Variants in TMEM235 observed in about 807,000 individuals in gnomAD.
TMEM235 encodes transmembrane protein 235, also known as claudin-27.
TMEM235 carries 23 observed loss-of-function variants against 22.9 expected under a neutral mutation model. That is an observed-to-expected ratio of 1.00 (90% CI 0.72 to 1.42). The LOEUF is 1.42. Ranked by LOEUF, TMEM235 falls within the 40% of genes most tolerant of loss-of-function variation. The pLI is 0.00. For missense variants in TMEM235, 308 were observed against 299.5 expected, an observed-to-expected ratio of 1.03 and a Z score of -0.21; for synonymous variants, 137 against 140.5, an observed-to-expected ratio of 0.98 and a Z score of 0.17.
exon 6 of TMEM235, chr17:78,240,136 G>C (rs982294706): frequency 8.3e-7 from 1 of 1,209,140 alleles, no homozygotes; most frequent in Non-Finnish European, 1.1e-6. Flanking sequence ...GCAGCAACCC[G>C]GGGGAGGTAT....
At chr17:78,231,646 C>T (rs1275698043) in exon 2 of TMEM235, 7 of 1,299,976 alleles carry the variant, frequency 5.4e-6, no homozygotes, top group East Asian at 1.1e-4. Flanking sequence ...CTGCACAGCC[C>T]GGCCAGGCAG....
chr17:78,236,640 G>A (rs1490934185), intron 4 of TMEM235, among the ~76,000 whole-genome samples: 3 of 152,226 alleles, frequency 2.0e-5, no homozygotes, highest in African/African-American at 7.2e-5. Flanking sequence ...AGGGGCTCCT[G>A]ACAGTCTGTC....
exon 2 of TMEM235, chr17:78,231,437 C>T (rs556104112): frequency 1.5e-6 from 2 of 1,298,232 alleles, no homozygotes; most frequent in South Asian, 2.5e-5. Flanking sequence ...CGCAGCCCCC[C>T]GCCCGGCTGT....
intron 2 of TMEM235, among the ~76,000 whole-genome samples, chr17:78,233,014 T>G (rs1404162130): frequency 2.6e-5 from 4 of 152,112 alleles, no homozygotes; most frequent in Non-Finnish European, 5.9e-5. Context: ...TATGAGTGAG[T>G]GCATGTGTGG....
rs1433224832 is a variant in TMEM235 at position 78,237,766 on chromosome 17, A to G, written c.410-1258A>G. On this transcript the variant is annotated intron_variant, in intron 4 of 5. Transcript: ENST00000421688. This position sits in a 1 kb window ranked among gnomAD's most constrained non-coding sequence, Gnocchi z 4.7. ...CAATTTGGCTTCACATTCTTCCCCA[A>G]AATAAATCCATAATTTCTGTTGCTA... 1.3e-5 allele frequency among the ~76,000 whole-genome samples: 2 copies of G among 152,070 alleles called. No homozygotes were observed. Among genetic ancestry groups the G allele is most frequent in the Non-Finnish European group, 2.9e-5 (2 of 68,002 alleles).
chr17:78,232,464 G>A (rs376281461), intron 2 of TMEM235, among the ~76,000 whole-genome samples: 3 of 152,326 alleles, frequency 2.0e-5, no homozygotes, highest in Admixed American at 6.5e-5. Flanking sequence ...AGGGGGCTGT[G>A]GGGCGACAGT....
At chr17:78,236,613 G>A (rs1240284313) in intron 4 of TMEM235, among the ~76,000 whole-genome samples, 1 of 152,250 alleles carries the variant, frequency 6.6e-6, no homozygotes, top group African/African-American at 2.4e-5. Context: ...AGCACTGGCT[G>A]TTGCGGAAGG....
Position 78,235,599 on chromosome 17 carries a change from G to GTTTT in TMEM235, c.409+885_409+888dup, listed in dbSNP as rs71160277. Reference sequence around the variant, plus strand: ...ACCGTTCCCAGCTGGGTGCTACATAGTTTTTTTTTTTTTTTTTTTGAGACG... The same window carrying GTTTT: ...ACCGTTCCCAGCTGGGTGCTACATAGTTTTTTTTTTTTTTTTTTTTTTTGAGACG... On this transcript the variant is annotated intron_variant, in intron 4 of 5. Transcript: ENST00000421688. Among the ~76,000 whole-genome samples the GTTTT allele has an allele frequency of 1.6e-3, 191 of 118,802 alleles. 7 individuals carry two copies. The highest frequency in any genetic ancestry group is 3.8e-3 in the East Asian group (15 of 3,944). The allele number at this position is 118,802 out of a possible 152,430, so 77.9% of individuals were successfully genotyped here.
At chr17:78,234,894 A>G (rs965426441) in intron 4 of TMEM235, among the ~76,000 whole-genome samples, 164 bp downstream of exon 3, 2 of 152,230 alleles carry the variant, frequency 1.3e-5, no homozygotes, top group African/African-American at 4.8e-5. Context: ...TGGTTCCAGA[A>G]GGTACCCATG....
rs999033355 is a variant in TMEM235, at chr17:78,234,413, G to C, written c.272-180G>C. 7.5e-6 allele frequency: 7 copies of C among 930,568 alleles called. No individual in the cohort carries two copies. The Admixed American group carries it at 1.0e-4, about 13-fold the overall frequency. 57.6% of individuals were successfully genotyped at this position (930,568 alleles called of 1,614,324 possible). On this transcript the variant is annotated intron_variant, in intron 3 of 5. Coordinates refer to ENST00000421688, the Ensembl canonical transcript of TMEM235. ...TGTTCTGGGGACGCCTCCCCTCCTGGCCTTAGGAAGCCCCTGCCAGAGTCA... is the reference window on the plus strand; with the variant it reads ...TGTTCTGGGGACGCCTCCCCTCCTGCCCTTAGGAAGCCCCTGCCAGAGTCA...
At chr17:78,235,882 T>C (rs1269150613) in intron 4 of TMEM235, among the ~76,000 whole-genome samples, 1 of 152,184 alleles carries the variant, frequency 6.6e-6, no homozygotes, top group Non-Finnish European at 1.5e-5. Context: ...ATTACAGGCA[T>C]GAGCCACCAT....
At chr17:78,239,392 C>T in intron 5 of TMEM235, 119 bp downstream of exon 4, 1 of 1,240,316 alleles carries the variant, frequency 8.1e-7, no homozygotes, top group Non-Finnish European at 1.1e-6. Flanking sequence ...CAGGAAGGGG[C>T]TGGGGGTGAC....
chr17:78,239,955 G>T (rs1289401554), exon 6 of TMEM235: 13 of 1,549,646 alleles, frequency 8.4e-6, no homozygotes, highest in Non-Finnish European at 1.0e-5. Flanking sequence ...GATTTGCAGG[G>T]GTGGGGGGCA....
At chr17:78,235,109 GCT>G (rs1248696469) in intron 4 of TMEM235, among the ~76,000 whole-genome samples, 13 of 152,098 alleles carry the variant, frequency 8.5e-5, no homozygotes, top group Non-Finnish European at 1.5e-4. Flanking sequence ...ACAAAAATTA[GCT>G]GGGCTTATAA....
intron 4 of TMEM235, 110 bp downstream of exon 3, chr17:78,234,840 C>A: frequency 7.0e-7 from 1 of 1,419,100 alleles, no homozygotes; most frequent in Non-Finnish European, 9.4e-7. Flanking sequence ...CCCTTCTGGG[C>A]GGGTGCTGAG....
chr17:78,234,942 G>A (rs2076627198), intron 4 of TMEM235, among the ~76,000 whole-genome samples: 1 of 152,216 alleles, frequency 6.6e-6, no homozygotes, highest in Non-Finnish European at 1.5e-5. Context: ...AAATGCCTGA[G>A]ACTGCGTAAT....
chr17:78,234,371 G>A (rs1438740405), intron 3 of TMEM235: 2 of 746,474 alleles, frequency 2.7e-6, no homozygotes, highest in Non-Finnish European at 2.3e-6. Flanking sequence ...GTGAGGCCTG[G>A]GGATGGGGGC....
exon 5 of TMEM235, chr17:78,239,088 G>T: frequency 1.3e-6 from 2 of 1,544,382 alleles, no homozygotes; most frequent in Non-Finnish European, 1.7e-6. Context: ...TTGCGGAGAC[G>T]GTGCAGCAGT....
At chr17:78,236,830 C>A (rs2145923068) in intron 4 of TMEM235, among the ~76,000 whole-genome samples, 1 of 152,328 alleles carries the variant, frequency 6.6e-6, no homozygotes, top group Non-Finnish European at 1.5e-5. Context: ...ATTGGGGAAA[C>A]CAGCAGCCTT....
Sources: gnomAD v4.1 joint callset for allele counts (sites outside exome capture counted in the v4.1 genomes callset) on GRCh38, gnomAD v4.1.1 for gene constraint, Gnocchi (gnomAD v3.1) non-coding constraint, MANE v1.5 for transcripts, NCBI Gene and HGNC (gene_info 2026-07-23, HGNC 2026-07-21) for gene names.